Variants in ATXN7L1 observed in about 807,000 individuals in gnomAD.
ATXN7L1 encodes the protein ataxin-7-like protein 1.
In ATXN7L1, 15 loss-of-function variants were observed where a neutral mutation model predicts 70.8. The observed-to-expected ratio is 0.21, with a 90% CI of 0.14 to 0.33. The LOEUF is 0.33. Among genes scored for constraint, ATXN7L1 ranks in the 10% least tolerant of loss-of-function variants. The probability of loss-of-function intolerance (pLI) is 1.00; values close to 1 mark genes in which losing one functional copy is unlikely to be tolerated. For missense variants in ATXN7L1, 975 were observed against 1,097.1 expected (o/e 0.89, Z 1.57); for synonymous variants, 440 against 445.1 (o/e 0.99, Z 0.14).
chr7:105,801,949 G>A (rs560051192), intron 2 of ATXN7L1, among the ~76,000 whole-genome samples: 46 of 152,140 alleles, frequency 3.0e-4, no homozygotes, highest in Non-Finnish European at 5.4e-4. Flanking sequence ...ACCCAAACTC[G>A]ACGGAATGTG....
chr7:105,639,635 T>C (rs2115905887), intron 5 of ATXN7L1, 66 bp from the exon 6 acceptor site: 1 of 1,154,626 alleles, frequency 8.7e-7, no homozygotes, highest in Non-Finnish European at 1.2e-6. Flanking sequence ...GCATTAAGAC[T>C]ACATTTTTTA....
Position 105,690,233 on chromosome 7 carries a change from G to A in ATXN7L1, c.356-24945C>T, listed in dbSNP as rs190857285. Reference sequence around the variant, plus strand: ...TTGGTCAGGCTGGTCTCGAACTCCCGACCTCAGGTGATCCGCCCGCCTCAG... The same window carrying A: ...TTGGTCAGGCTGGTCTCGAACTCCCAACCTCAGGTGATCCGCCCGCCTCAG... On this transcript the variant is annotated intron_variant, in intron 3 of 11. Coordinates refer to ENST00000419735, the MANE Select transcript of ATXN7L1 (RefSeq NM_020725.2). 3.9e-3 allele frequency among the ~76,000 whole-genome samples: 594 copies of A among 152,148 alleles called. 6 individuals are homozygous for A. Among genetic ancestry groups the A allele is most frequent in the African/African-American group, 0.014 (569 of 41,504 alleles).
rs111874310 is a variant in ATXN7L1 at position 105,733,861 on chromosome 7, T to C, written c.355+54743A>G. 7.4e-4 allele frequency among the ~76,000 whole-genome samples: 58 copies of C among 78,194 alleles called. 1 individual carries two copies. Among genetic ancestry groups the C allele is most frequent in the East Asian group, 1.0e-3 (2 of 1,996 alleles). 51.3% of individuals were successfully genotyped at this position (78,194 alleles called of 152,430 possible). Reference sequence around the variant, plus strand: ...GTCCACCCATCCATCCATCCATCCATCCATCCATCCATCCATCCATCATCC... The same window carrying C: ...GTCCACCCATCCATCCATCCATCCACCCATCCATCCATCCATCCATCATCC... On this transcript the variant is annotated intron_variant, in intron 3 of 11. Coordinates refer to ENST00000419735, the MANE Select transcript of ATXN7L1 (RefSeq NM_020725.2).
intron 7 of ATXN7L1, among the ~76,000 whole-genome samples, chr7:105,628,768 G>C (rs910644344): frequency 6.6e-5 from 10 of 151,270 alleles, no homozygotes; most frequent in Non-Finnish European, 1.2e-4. Flanking sequence ...ACTCCAGCCG[G>C]GGCCACAGAG....
At chr7:105,636,504 C>T (rs1797409383) in intron 7 of ATXN7L1, among the ~76,000 whole-genome samples, 1 of 151,920 alleles carries the variant, frequency 6.6e-6, no homozygotes, top group Non-Finnish European at 1.5e-5. Context: ...TAACCTCACC[C>T]ATCCTTTCCT....
intron 3 of ATXN7L1, among the ~76,000 whole-genome samples, chr7:105,770,479 T>C (rs1801834780): frequency 6.6e-6 from 1 of 152,194 alleles, no homozygotes; most frequent in Non-Finnish European, 1.5e-5. Context: ...GCCTGCCCCT[T>C]ACCCCAGGCA....
At chr7:105,814,922 C>A (rs1158442616) in intron 2 of ATXN7L1, among the ~76,000 whole-genome samples, 1 of 152,134 alleles carries the variant, frequency 6.6e-6, no homozygotes, top group Non-Finnish European at 1.5e-5. Context: ...CAGTCTAGAA[C>A]AATCAGTTCG....
chr7:105,814,988 T>C (rs1808977389), intron 2 of ATXN7L1, among the ~76,000 whole-genome samples: 1 of 152,172 alleles, frequency 6.6e-6, no homozygotes, highest in African/African-American at 2.4e-5. Context: ...GAACTGCTGC[T>C]AAGACAGGAT....
chr7:105,781,212 T>C (rs774084180), intron 3 of ATXN7L1, among the ~76,000 whole-genome samples: 2 of 151,786 alleles, frequency 1.3e-5, no homozygotes, highest in Non-Finnish European at 2.9e-5. Context: ...TGCTTTACTG[T>C]AGGTAGTTAT....
At chr7:105,713,236 A>T (rs1794142318) in intron 3 of ATXN7L1, among the ~76,000 whole-genome samples, 1 of 152,192 alleles carries the variant, frequency 6.6e-6, no homozygotes, top group African/African-American at 2.4e-5. Flanking sequence ...CTCCAATTTG[A>T]CATGAGATTT....
At chr7:105,696,293 G>A (rs1175434408) in intron 3 of ATXN7L1, among the ~76,000 whole-genome samples, 1 of 152,238 alleles carries the variant, frequency 6.6e-6, no homozygotes, top group Non-Finnish European at 1.5e-5. Context: ...TCTCAAGGGG[G>A]TTTCTTCAGG....
chr7:105,653,885 T>C (rs905751473), intron 4 of ATXN7L1, among the ~76,000 whole-genome samples: 3 of 152,102 alleles, frequency 2.0e-5, no homozygotes, highest in African/African-American at 7.2e-5. Context: ...ATTCTCCAGG[T>C]GAACACTCCC....
intron 4 of ATXN7L1, among the ~76,000 whole-genome samples, chr7:105,657,055 AAATCT>A (rs1800761764): frequency 6.6e-6 from 1 of 152,178 alleles, no homozygotes; most frequent in Admixed American, 6.5e-5. Flanking sequence ...ACCTGCTGTT[AAATCT>A]AATCTAAGGG....
intron 2 of ATXN7L1, among the ~76,000 whole-genome samples, chr7:105,804,715 C>T (rs1807308903): frequency 6.6e-6 from 1 of 152,190 alleles, no homozygotes; most frequent in African/African-American, 2.4e-5. Context: ...GTGCTAAGTG[C>T]TGTTCATTGA....
chr7:105,805,300 T>C (rs981332112), intron 2 of ATXN7L1, among the ~76,000 whole-genome samples: 2 of 152,174 alleles, frequency 1.3e-5, no homozygotes, highest in Non-Finnish European at 2.9e-5. Context: ...GCCAGGGCCC[T>C]TAGTGCTGTG....
At chr7:105,854,583 A>C (rs1016061807) in intron 2 of ATXN7L1, among the ~76,000 whole-genome samples, 1 of 152,000 alleles carries the variant, frequency 6.6e-6, no homozygotes, top group Non-Finnish European at 1.5e-5. Context: ...AACTAACCTC[A>C]AAATTGCTTT....
chr7:105,722,403 A>G (rs1035651569), intron 3 of ATXN7L1, among the ~76,000 whole-genome samples: 3 of 151,772 alleles, frequency 2.0e-5, no homozygotes, highest in Non-Finnish European at 4.4e-5. Flanking sequence ...CTGTACTAAA[A>G]ATACAAAAAT....
chr7:105,875,886 G>GATGAAA lies in ATXN7L1; in HGVS notation c.182-12_182-7dup. On this transcript the variant is annotated splice_region_variant and splice_polypyrimidine_tract_variant and intron_variant, in intron 1 of 11. Coordinates refer to ENST00000419735, the MANE Select transcript of ATXN7L1 (RefSeq NM_020725.2). Reference sequence around the variant, plus strand: ...AGCCTCTTCTAAATCTACATCTGCAGATGAAAAAGAAAAGGAAAACAGAAA... The same window carrying GATGAAA: ...AGCCTCTTCTAAATCTACATCTGCAGATGAAAATGAAAAAGAAAAGGAAAACAGAAA... The GATGAAA allele has an allele frequency of 6.2e-7, 1 of 1,611,234 alleles. No individual in the cohort carries two copies. The highest frequency in any genetic ancestry group is 8.5e-7 in the Non-Finnish European group (1 of 1,178,876).
intron 6 of ATXN7L1, 89 bp from the exon 7 acceptor site, chr7:105,638,698 A>T: frequency 1.4e-6 from 2 of 1,437,776 alleles, no homozygotes; most frequent in Non-Finnish European, 1.8e-6. Flanking sequence ...ATAGCAATTC[A>T]TGGAAATTTA....
Sources: allele counts gnomAD v4.1 joint callset (sites outside exome capture counted in the v4.1 genomes callset), GRCh38; gene constraint gnomAD v4.1.1; transcripts MANE v1.5; gene names NCBI Gene and HGNC (gene_info 2026-07-23, HGNC 2026-07-21).